The following GASK1B variants were observed in gnomAD, a reference collection of about 807,000 sequenced individuals.
The protein encoded by GASK1B is Golgi-associated kinase 1B.
Under a neutral mutation model 42.8 loss-of-function variants are expected in GASK1B, and 34 were observed. That is an observed-to-expected ratio of 0.79 (90% CI 0.60 to 1.06). GASK1B has a LOEUF of 1.06. Ranked by LOEUF, GASK1B falls within the 50% of genes least tolerant of loss-of-function variation. The pLI is 0.00. For synonymous variants in GASK1B, 262 were observed against 259.1 expected, an observed-to-expected ratio of 1.01 and a Z score of -0.11; for missense variants, 686 against 661.0, an observed-to-expected ratio of 1.04 and a Z score of -0.42.
At chr4:158,157,286 A>G (rs1185316626) in intron 2 of GASK1B, among the ~76,000 whole-genome samples, 1 of 152,144 alleles carries the variant, frequency 6.6e-6, no homozygotes, top group East Asian at 1.9e-4. Flanking sequence ...GTAGAGAAAG[A>G]AATGTGAGCC....
rs75197965 is a variant in GASK1B at position 158,134,842 on chromosome 4, C to T, written c.1126-3830G>A. Among the ~76,000 whole-genome samples, 1,384 of 152,242 alleles carry T rather than the reference C, an allele frequency of 9.1e-3. 30 individuals carry two copies. The highest frequency in any genetic ancestry group is 0.032 in the African/African-American group (1,317 of 41,544). On this transcript the variant is annotated intron_variant, in intron 3 of 4. Transcript: ENST00000585682. ...CACAAGGGTGCCTCTGCAGCACTGTCCTAGTTCACCAAAACCCATTAGAAA... is the reference window on the plus strand; with the variant it reads ...CACAAGGGTGCCTCTGCAGCACTGTTCTAGTTCACCAAAACCCATTAGAAA...
chr4:158,151,869 T>C (rs1279257855), intron 3 of GASK1B, among the ~76,000 whole-genome samples: 1 of 152,198 alleles, frequency 6.6e-6, no homozygotes, highest in East Asian at 1.9e-4. Context: ...CCTGAGTGTG[T>C]CTGTGAGGGT....
chr4:158,141,726 C>A (rs1161078343), intron 3 of GASK1B, among the ~76,000 whole-genome samples: 5 of 147,388 alleles, frequency 3.4e-5, no homozygotes, highest in Non-Finnish European at 7.4e-5. Context: ...CCTGCCTCAG[C>A]TTCCCGAGTA....
Position 158,170,872 on chromosome 4 carries a change from C to G in GASK1B, c.504G>C (p.Gln168His), listed in dbSNP as rs748746415. 27 of 1,614,142 alleles carry G rather than the reference C, an allele frequency of 1.7e-5. No homozygotes were observed. In the Admixed American group the frequency reaches 2.2e-4, roughly 13 times the overall value. The change falls in exon 2 of 5, where the codon CAG (glutamine) becomes CAC (histidine). Residue 168 changes from glutamine (Q) to histidine (H), a missense_variant. Transcript: ENST00000585682. ...EADAVAPGYA[Q>H]GANLVKIGER... ...CTCCAATCTTAACCAGGTTTGCTCC[C>G]TGAGCGTACCCAGGTGCTACAGCAT...
In GASK1B at chr4:158,170,679, C is replaced by A. The variant is rs774056287; in HGVS notation, c.697G>T (p.Ala233Ser). 93 of 1,614,026 alleles carry A rather than the reference C, an allele frequency of 5.8e-5. No homozygotes were observed. The highest frequency in any genetic ancestry group is 1.6e-4 in the Middle Eastern group (1 of 6,084). ...RMRLLADSAVAGLRPVSSRSG... is the reference protein window; with the variant it reads ...RMRLLADSAVSGLRPVSSRSG... Reference sequence around the variant, plus strand: ...CTAGAGGACACAGGCCGGAGCCCTGCCACTGCGCTGTCCGCCAAGAGTCGC... The same window carrying A: ...CTAGAGGACACAGGCCGGAGCCCTGACACTGCGCTGTCCGCCAAGAGTCGC... The change falls in exon 2 of 5, where the codon GCA becomes TCA. Residue 233 changes from alanine (A) to serine (S), a missense_variant. By Grantham distance (99) the Ala-to-Ser change is moderately conservative (BLOSUM62 1). Transcript: ENST00000585682.
At chr4:158,142,674 G>A (rs1252946444) in intron 3 of GASK1B, among the ~76,000 whole-genome samples, 1 of 152,064 alleles carries the variant, frequency 6.6e-6, no homozygotes, top group Non-Finnish European at 1.5e-5. Context: ...ATCAGAAAAA[G>A]GACTAACCAG....
At position 158,170,649 on chromosome 4, in the gene GASK1B, C is replaced by T. The variant is rs773851781; in HGVS notation, c.727G>A (p.Gly243Arg). 1.2e-6 allele frequency: 2 copies of T among 1,613,830 alleles called. No homozygotes were observed. The highest frequency in any genetic ancestry group is 1.1e-5 in the South Asian group (1 of 91,084). The change falls in exon 2 of 5, where the codon GGA (glycine) becomes AGA (arginine). Residue 243 changes from glycine (G) to arginine (R), a missense_variant. Transcript: ENST00000585682. Reference sequence around the variant, plus strand: ...CCCTCCAGCACCAGCAAACGGGCTCCGCTCCTAGAGGACACAGGCCGGAGC... The same window carrying T: ...CCCTCCAGCACCAGCAAACGGGCTCTGCTCCTAGAGGACACAGGCCGGAGC... ...AGLRPVSSRS[G>R]ARLLVLEGGA...
chr4:158,144,140 T>C (rs1434098819), intron 3 of GASK1B, among the ~76,000 whole-genome samples: 1 of 152,176 alleles, frequency 6.6e-6, no homozygotes, highest in Non-Finnish European at 1.5e-5. Context: ...TATAAAGCAA[T>C]GAACACATCA....
rs1246533226 is a variant in GASK1B at position 158,130,917 on chromosome 4, T to C, written c.1221A>G (p.Gln407=). ...QNGLRPKCDD[Q]GSAALAHIIQ... Reference sequence around the variant, plus strand: ...TAATGTGTGCTAGAGCCGCAGAACCTTGGTCATCACATTTTGGCCTCAATC... The same window carrying C: ...TAATGTGTGCTAGAGCCGCAGAACCCTGGTCATCACATTTTGGCCTCAATC... Residue 407 remains glutamine, a synonymous_variant, in exon 4 of 5, where the codon CAA becomes CAG. Transcript: ENST00000585682. The C allele has an allele frequency of 1.2e-6, 2 of 1,614,124 alleles. No homozygotes were observed. The highest frequency in any genetic ancestry group is 2.2e-5 in the South Asian group (2 of 91,080).
intron 3 of GASK1B, among the ~76,000 whole-genome samples, chr4:158,148,897 G>A (rs1456295403): frequency 6.6e-6 from 1 of 152,200 alleles, no homozygotes; most frequent in Non-Finnish European, 1.5e-5. Flanking sequence ...TGCTCAGTCA[G>A]GAACATGTAT....
intron 3 of GASK1B, among the ~76,000 whole-genome samples, chr4:158,146,922 C>T (rs1172454479): frequency 6.6e-6 from 1 of 152,188 alleles, no homozygotes; most frequent in Non-Finnish European, 1.5e-5. Flanking sequence ...GCTTCTCTCA[C>T]ATTTTACAGA....
intron 2 of GASK1B, chr4:158,167,073 T>C (rs1166678539): frequency 6.6e-6 from 1 of 152,142 alleles, no homozygotes; most frequent in Non-Finnish European, 1.5e-5. Flanking sequence ...TAAATTCAAC[T>C]TGCAACACAG....
intron 3 of GASK1B, among the ~76,000 whole-genome samples, chr4:158,151,842 A>C (rs1731569835): frequency 6.6e-6 from 1 of 152,220 alleles, no homozygotes; most frequent in Non-Finnish European, 1.5e-5. Context: ...TTGGATTGAA[A>C]GATGCAAAGT....
At chr4:158,143,749 G>A (rs1326424965) in intron 3 of GASK1B, among the ~76,000 whole-genome samples, 1 of 152,066 alleles carries the variant, frequency 6.6e-6, no homozygotes, top group East Asian at 1.9e-4. Flanking sequence ...GGGTGATGAG[G>A]TAACAAATTT....
intron 3 of GASK1B, among the ~76,000 whole-genome samples, chr4:158,143,625 A>G (rs1213758131): frequency 1.3e-5 from 2 of 152,204 alleles, no homozygotes; most frequent in East Asian, 1.9e-4. Flanking sequence ...CTACTTGAAT[A>G]TGAAACACTA....
chr4:158,148,599 C>T (rs912499452), intron 3 of GASK1B, among the ~76,000 whole-genome samples: 1 of 152,168 alleles, frequency 6.6e-6, no homozygotes, highest in Non-Finnish European at 1.5e-5. Flanking sequence ...TAGCTTTGTG[C>T]TTTAGCCATA....
At chr4:158,154,165 GAAA>G (rs202053643) in intron 3 of GASK1B, among the ~76,000 whole-genome samples, 2 of 129,728 alleles carry the variant, frequency 1.5e-5, no homozygotes, top group Non-Finnish European at 1.6e-5. Context: ...AAATCAGCAA[GAAA>G]AAAAAAAAAA....
intron 3 of GASK1B, among the ~76,000 whole-genome samples, chr4:158,142,005 C>T (rs1320305822): frequency 5.2e-5 from 6 of 115,966 alleles, no homozygotes; most frequent in South Asian, 3.1e-4. Context: ...ACTGCAGTGG[C>T]GCAATCTCGG....
chr4:158,151,620 AACCAAT>A (rs1462510548), intron 3 of GASK1B, among the ~76,000 whole-genome samples: 1 of 152,184 alleles, frequency 6.6e-6, no homozygotes, highest in East Asian at 1.9e-4. Flanking sequence ...GGCAATCTAC[AACCAAT>A]ACCACAGTAA....
Sources: gnomAD v4.1 joint callset for allele counts (sites outside exome capture counted in the v4.1 genomes callset) on GRCh38, gnomAD v4.1.1 for gene constraint, MANE v1.5 for transcripts, NCBI Gene and HGNC (gene_info 2026-07-23, HGNC 2026-07-21) for gene names.